STAG1: variants seen among roughly 807,000 people sequenced by gnomAD.
The protein encoded by STAG1 is cohesin subunit SA-1.
STAG1 carries 26 observed loss-of-function variants against 170.9 expected under a neutral mutation model. The ratio of observed to expected loss-of-function variants is 0.15; its 90% CI spans 0.11 to 0.21. The LOEUF (loss-of-function observed/expected upper bound fraction) is 0.21, where lower values mean the gene tolerates loss of function less well. Ranked by LOEUF, STAG1 falls within the 10% of genes least tolerant of loss-of-function variation. The pLI is 1.00. For synonymous variants in STAG1, 514 were observed against 497.7 expected, an observed-to-expected ratio of 1.03 and a Z score of -0.44; for missense variants, 964 against 1,509.5, an observed-to-expected ratio of 0.64 and a Z score of 5.99.
intron 26 of STAG1, among the ~76,000 whole-genome samples, chr3:136,360,501 C>A (rs1936820105): frequency 6.6e-6 from 1 of 152,190 alleles, no homozygotes. Context: ...ACCTCCCAAT[C>A]TCTCAATTTA....
At chr3:136,399,980 T>A (rs560868668) in intron 21 of STAG1, among the ~76,000 whole-genome samples, 2 of 152,092 alleles carry the variant, frequency 1.3e-5, no homozygotes, top group African/African-American at 2.4e-5. Flanking sequence ...TGGAGTGCAG[T>A]GGTGTGATCA....
chr3:136,475,138 C>CTTTTTTTTTTT (rs10686674), intron 10 of STAG1, among the ~76,000 whole-genome samples: 2 of 76,002 alleles, frequency 2.6e-5, no homozygotes, highest in Non-Finnish European at 4.7e-5. Flanking sequence ...TTATAGGTTC[C>CTTTTTTTTTTT]TTTTTTTTTT....
At chr3:136,472,003 A>G (rs563528739) in intron 12 of STAG1, among the ~76,000 whole-genome samples, 18 of 152,174 alleles carry the variant, frequency 1.2e-4, no homozygotes, top group African/African-American at 4.3e-4. Flanking sequence ...ATGCCAGTTA[A>G]TTTTTTTAAT....
intron 7 of STAG1, among the ~76,000 whole-genome samples, chr3:136,509,997 A>T (rs1455220860): frequency 6.6e-6 from 1 of 152,224 alleles, no homozygotes; most frequent in Admixed American, 6.5e-5. Context: ...ATGACAAACT[A>T]CCAGTTTCCA....
At chr3:136,552,665 T>G (rs1936455908) in intron 5 of STAG1, among the ~76,000 whole-genome samples, 1 of 152,168 alleles carries the variant, frequency 6.6e-6, no homozygotes, top group African/African-American at 2.4e-5. Context: ...CATCTTCAGG[T>G]TAAGGCTAAA....
At chr3:136,426,503 T>C (rs1301510135) in intron 16 of STAG1, among the ~76,000 whole-genome samples, 2 of 152,226 alleles carry the variant, frequency 1.3e-5, no homozygotes, top group Non-Finnish European at 2.9e-5. Context: ...TCATGATGTA[T>C]AAAATATATG....
intron 4 of STAG1, among the ~76,000 whole-genome samples, chr3:136,579,957 A>ATTTT (rs1162464973): frequency 3.1e-5 from 3 of 95,628 alleles, no homozygotes; most frequent in African/African-American, 1.5e-4. Flanking sequence ...ATACCATCTG[A>ATTTT]ATTTTTTTTT....
intron 5 of STAG1, among the ~76,000 whole-genome samples, chr3:136,566,692 CA>C (rs1229512931): frequency 6.6e-6 from 1 of 152,106 alleles, no homozygotes; most frequent in African/African-American, 2.4e-5. Flanking sequence ...TAGAAGAGTA[CA>C]ATTCCTATAG....
At chr3:136,478,298 G>A (rs2089813018) in intron 9 of STAG1, among the ~76,000 whole-genome samples, 2 of 152,124 alleles carry the variant, frequency 1.3e-5, no homozygotes, top group African/African-American at 4.8e-5. Flanking sequence ...CTGGCTCATT[G>A]CCTAGATGGC....
At chr3:136,748,383 C>T (rs1423672646) in intron 1 of STAG1, among the ~76,000 whole-genome samples, 1 of 151,682 alleles carries the variant, frequency 6.6e-6, no homozygotes, top group African/African-American at 2.4e-5. Flanking sequence ...TCGGGGCACA[C>T]TCAAAAAATA....
intron 3 of STAG1, among the ~76,000 whole-genome samples, chr3:136,608,785 G>A (rs973271751): frequency 2.3e-5 from 3 of 132,216 alleles, no homozygotes; most frequent in Non-Finnish European, 3.1e-5. Flanking sequence ...GAATGACAGC[G>A]AGACCCTATC....
At chr3:136,527,870 G>T (rs572113650) in intron 6 of STAG1, among the ~76,000 whole-genome samples, 2 of 152,220 alleles carry the variant, frequency 1.3e-5, no homozygotes, top group South Asian at 4.2e-4. Flanking sequence ...TGTTTTCCTG[G>T]GTATCAGCAG....
At chr3:136,359,441 T>C (rs1448921232) in intron 26 of STAG1, 145 bp from the exon 27 acceptor site, 5 of 531,774 alleles carry the variant, frequency 9.4e-6, no homozygotes, top group Admixed American at 3.7e-5. Flanking sequence ...CTGTTCCCTT[T>C]CTACAAATTG....
chr3:136,495,841 C>T lies in STAG1; in HGVS notation c.902+4382G>A, dbSNP rs539623632. Among the ~76,000 whole-genome samples, 14 of 151,784 alleles carry T rather than the reference C, an allele frequency of 9.2e-5. No individual in the cohort carries two copies. In the South Asian group the frequency reaches 1.9e-3, roughly 20 times the overall value. On this transcript the variant is annotated intron_variant, in intron 9 of 33. Coordinates refer to ENST00000383202, the MANE Select transcript of STAG1 (RefSeq NM_005862.3). Reference sequence around the variant, plus strand: ...AAAATTAGCCAGGCATGGTGGCAGGCGCCTGTAGTCCCAGCTACTCGGGAG... The same window carrying T: ...AAAATTAGCCAGGCATGGTGGCAGGTGCCTGTAGTCCCAGCTACTCGGGAG...
At chr3:136,342,726 T>C (rs1319135206) in intron 30 of STAG1, among the ~76,000 whole-genome samples, 2 of 152,248 alleles carry the variant, frequency 1.3e-5, no homozygotes, top group Non-Finnish European at 2.9e-5. Context: ...GCTGTCTTTA[T>C]ATCATGTGGG....
At chr3:136,424,012 T>C (rs961424784) in intron 16 of STAG1, among the ~76,000 whole-genome samples, 2 of 151,922 alleles carry the variant, frequency 1.3e-5, no homozygotes, top group Admixed American at 6.6e-5. Flanking sequence ...TATGGGTATG[T>C]CCTACCATGC....
At chr3:136,466,560 A>C (rs560214168) in intron 12 of STAG1, among the ~76,000 whole-genome samples, 2 of 152,196 alleles carry the variant, frequency 1.3e-5, no homozygotes, top group Non-Finnish European at 1.5e-5. Flanking sequence ...AAGAATGGAA[A>C]CAAGTTGGAA....
At chr3:136,514,052 C>T (rs1934218326) in intron 7 of STAG1, among the ~76,000 whole-genome samples, 1 of 152,080 alleles carries the variant, frequency 6.6e-6, no homozygotes, top group Non-Finnish European at 1.5e-5. Context: ...TAAGATGGTA[C>T]CATTATAGAG....
chr3:136,710,905 G>A (rs1339460260), intron 1 of STAG1, among the ~76,000 whole-genome samples: 1 of 151,906 alleles, frequency 6.6e-6, no homozygotes, highest in Admixed American at 6.6e-5. Flanking sequence ...CATTATTTGT[G>A]TACCATCCTG....
Sources: allele counts gnomAD v4.1 joint callset (sites outside exome capture counted in the v4.1 genomes callset), GRCh38; gene constraint gnomAD v4.1.1; transcripts MANE v1.5; gene names NCBI Gene and HGNC (gene_info 2026-07-23, HGNC 2026-07-21).